STAT4: variants seen among roughly 807,000 people sequenced by gnomAD.
STAT4 encodes the protein signal transducer and activator of transcription 4.
STAT4 carries 42 observed loss-of-function variants against 110.5 expected under a neutral mutation model. That is an observed-to-expected ratio of 0.38 (90% confidence interval 0.30 to 0.49). The LOEUF (loss-of-function observed/expected upper bound fraction) is 0.49, where lower values mean the gene tolerates loss of function less well. Among genes scored for constraint, STAT4 ranks in the 20% least tolerant of loss-of-function variants. STAT4 has a pLI of 0.95. For synonymous variants in STAT4, 284 were observed against 302.2 expected, an observed-to-expected ratio of 0.94 and a Z score of 0.63; for missense variants, 632 against 887.9, an observed-to-expected ratio of 0.71 and a Z score of 3.66.
intron 1 of STAT4, 68 bp from the exon 2 acceptor site, chr2:191,148,272 T>C: frequency 6.5e-7 from 1 of 1,539,168 alleles, no homozygotes; most frequent in East Asian, 2.3e-5. Context: ...ATTTTCTTCT[T>C]TCCTTAGAAT....
At chr2:191,118,166 A>G (rs1204824051) in intron 3 of STAT4, among the ~76,000 whole-genome samples, 2 of 152,216 alleles carry the variant, frequency 1.3e-5, no homozygotes, top group African/African-American at 4.8e-5. Flanking sequence ...CAATTCTTAT[A>G]AAAAGCCTTA....
chr2:191,040,639 G>A (rs889172592), intron 15 of STAT4, among the ~76,000 whole-genome samples: 13 of 152,084 alleles, frequency 8.5e-5, no homozygotes, highest in East Asian at 7.7e-4. Flanking sequence ...AGCACTCACC[G>A]CAGCCTCCAC....
chr2:191,088,764 T>C (rs1304622183), intron 3 of STAT4, among the ~76,000 whole-genome samples: 2 of 152,100 alleles, frequency 1.3e-5, no homozygotes, highest in Non-Finnish European at 2.9e-5. Context: ...AGTTCTGAAA[T>C]GGATCCACGT....
At chr2:191,040,366 AT>A (rs2125162652) in intron 15 of STAT4, among the ~76,000 whole-genome samples, 1 of 152,082 alleles carries the variant, frequency 6.6e-6, no homozygotes, top group African/African-American at 2.4e-5. Flanking sequence ...ATTTTTGAAA[AT>A]ATATTACTAC....
chr2:191,125,314 C>T (rs1388486357), intron 3 of STAT4, among the ~76,000 whole-genome samples: 1 of 151,932 alleles, frequency 6.6e-6, no homozygotes, highest in Non-Finnish European at 1.5e-5. Context: ...GGCGCCAACA[C>T]AGATCTTGGC....
Position 191,051,770 on chromosome 2 carries a change from C to T in STAT4, c.1251+2720G>A, listed in dbSNP as rs1439729141. On this transcript the variant is annotated intron_variant, in intron 14 of 23. Coordinates refer to ENST00000392320, the MANE Select transcript of STAT4 (RefSeq NM_003151.4). The surrounding 1 kb of genome is among the most constrained non-coding windows in gnomAD (Gnocchi z 5.6). ...ACCCAGAGGCAGCATAGCAGAGGGG[C>T]CAGGAGCAGGGACACGGGATCAGAC... is the stretch of plus-strand genomic sequence containing the variant. 1.3e-5 allele frequency among the ~76,000 whole-genome samples: 2 copies of T among 151,554 alleles called. No homozygotes were observed. Among genetic ancestry groups the T allele is most frequent in the South Asian group, 2.1e-4 (1 of 4,786 alleles).
At position 191,029,756 on chromosome 2, in the gene STAT4, G is replaced by T; in HGVS notation, c.*84C>A. ...AGAACCTGGTATTTACAAAGCTGAA[G>T]AAATAAAATGTGGTTATTGGGCAAA... On this transcript the variant is annotated 3_prime_UTR_variant, in exon 24 of 24. Coordinates refer to ENST00000392320, the MANE Select transcript of STAT4 (RefSeq NM_003151.4). The surrounding 1 kb of genome is among the most constrained non-coding windows in gnomAD (Gnocchi z 4.5). The T allele has an allele frequency of 7.9e-7, 1 of 1,260,480 alleles. No individual in the cohort carries two copies. Among genetic ancestry groups the T allele is most frequent in the Admixed American group, 2.0e-5 (1 of 49,032 alleles). The allele number at this position is 1,260,480 out of a possible 1,614,324, so 78.1% of individuals were successfully genotyped here. A position where few individuals can be genotyped will look rare whatever the true frequency, so the allele number is the denominator to read the frequency against.
intron 3 of STAT4, among the ~76,000 whole-genome samples, chr2:191,102,436 T>C (rs902218081): frequency 6.6e-6 from 1 of 152,172 alleles, no homozygotes; most frequent in Non-Finnish European, 1.5e-5. Context: ...ATTGAATTTA[T>C]TGAAATTATT....
intron 5 of STAT4, among the ~76,000 whole-genome samples, chr2:191,070,952 T>C (rs1391297100): frequency 1.3e-5 from 2 of 152,192 alleles, no homozygotes; most frequent in Non-Finnish European, 2.9e-5. Context: ...TGGTACCAAA[T>C]ATATGCTTCA....
rs1574702572 is a variant in STAT4, at chr2:191,043,460, C to A, written c.1252-2312G>T. On this transcript the variant is annotated intron_variant, in intron 14 of 23. Transcript: ENST00000392320. This position sits in a 1 kb window ranked among gnomAD's most constrained non-coding sequence, Gnocchi z 4.8. ...ATAAACAAATTGTAATTCTTATATACCACTTATGCAATTGTTACAATCACT... is the reference window on the plus strand; with the variant it reads ...ATAAACAAATTGTAATTCTTATATAACACTTATGCAATTGTTACAATCACT... 6.6e-6 allele frequency among the ~76,000 whole-genome samples: 1 copy of A among 152,078 alleles called. No homozygotes were observed. The highest frequency in any genetic ancestry group is 6.6e-5 in the Admixed American group (1 of 15,258).
intron 3 of STAT4, among the ~76,000 whole-genome samples, chr2:191,120,890 G>C (rs1298056557): frequency 6.6e-6 from 1 of 152,116 alleles, no homozygotes; most frequent in African/African-American, 2.4e-5. Flanking sequence ...AACACCAAAA[G>C]CAATGGCAAC....
chr2:191,033,746 T>C lies in STAT4; in HGVS notation c.1716-120A>G. The stretch of plus-strand genomic sequence containing the variant: ...AAGTCATTCTTACCTGAAATACTCA[T>C]ATATAGATTAATATACATAGTGCCA... On this transcript the variant is annotated intron_variant, in intron 19 of 23. Coordinates refer to ENST00000392320, the MANE Select transcript of STAT4 (RefSeq NM_003151.4). This position sits in a 1 kb window ranked among gnomAD's most constrained non-coding sequence, Gnocchi z 6.9. 7.1e-7 allele frequency: 1 copy of C among 1,416,100 alleles called. No homozygotes were observed. Among genetic ancestry groups the C allele is most frequent in the Non-Finnish European group, 9.6e-7 (1 of 1,044,160 alleles). The allele number at this position is 1,416,100 out of a possible 1,614,324, so 87.7% of individuals were successfully genotyped here.
rs987705933 is a variant in STAT4, at chr2:191,060,798, A to C, written c.1034+931T>G. 6.6e-6 allele frequency among the ~76,000 whole-genome samples: 1 copy of C among 152,256 alleles called. No individual in the cohort carries two copies. The highest frequency in any genetic ancestry group is 1.5e-5 in the Non-Finnish European group (1 of 68,046). On this transcript the variant is annotated intron_variant, in intron 10 of 23. Coordinates refer to ENST00000392320, the MANE Select transcript of STAT4 (RefSeq NM_003151.4). This position sits in a 1 kb window ranked among gnomAD's most constrained non-coding sequence, Gnocchi z 4.5. ...ATCTTGGTGCAAAATTCATACAAAG[A>C]AACTGATTAAGAAGTTAATGGTGTC...
At chr2:191,065,882 C>G (rs952002736) in intron 7 of STAT4, among the ~76,000 whole-genome samples, 13 of 152,000 alleles carry the variant, frequency 8.6e-5, no homozygotes, top group African/African-American at 3.1e-4. Flanking sequence ...AGAGATGTTT[C>G]CCCTCCCTAA....
chr2:191,140,086 A>C lies in STAT4; in HGVS notation c.273+6527T>G, dbSNP rs1224599021. On this transcript the variant is annotated intron_variant, in intron 3 of 23. Transcript: ENST00000392320. The surrounding 1 kb of genome is among the most constrained non-coding windows in gnomAD (Gnocchi z 4.4). ...TGAAACTGATTTCTCAGCCTATACA[A>C]AAATCAACTCAACATGGATCAAAGA... 1.3e-5 allele frequency among the ~76,000 whole-genome samples: 2 copies of C among 152,202 alleles called. No homozygotes were observed. The highest frequency in any genetic ancestry group is 2.9e-5 in the Non-Finnish European group (2 of 68,032).
chr2:191,039,339 C>T lies in STAT4; in HGVS notation c.1336-42G>A, dbSNP rs1696126150. On this transcript the variant is annotated intron_variant, in intron 15 of 23. Coordinates refer to ENST00000392320, the MANE Select transcript of STAT4 (RefSeq NM_003151.4). This position sits in a 1 kb window ranked among gnomAD's most constrained non-coding sequence, Gnocchi z 4.7. ...AAAGCATAGTTATTACAGGTAGTCC[C>T]ACCTTACATTGATCTTATGCTTGAC... 6.4e-7 allele frequency: 1 copy of T among 1,556,724 alleles called. No individual in the cohort carries two copies. Among genetic ancestry groups the T allele is most frequent in the Non-Finnish European group, 8.9e-7 (1 of 1,127,782 alleles).
intron 3 of STAT4, among the ~76,000 whole-genome samples, chr2:191,125,432 G>A (rs941732325): frequency 6.7e-5 from 10 of 150,210 alleles, no homozygotes; most frequent in Non-Finnish European, 1.3e-4. Flanking sequence ...ATAGACAACT[G>A]GAAATTGACT....
chr2:191,037,192 C>T lies in STAT4; in HGVS notation c.1435-893G>A, dbSNP rs1406994087. ...GGCACAAATTTTACCTTGACCAGAC[C>T]AATCATCCCAAAGTGCTAGAAATGG... On this transcript the variant is annotated intron_variant, in intron 16 of 23. Coordinates refer to ENST00000392320, the MANE Select transcript of STAT4 (RefSeq NM_003151.4). The surrounding 1 kb of genome is among the most constrained non-coding windows in gnomAD (Gnocchi z 4.8). 2.0e-5 allele frequency among the ~76,000 whole-genome samples: 3 copies of T among 152,098 alleles called. No individual in the cohort carries two copies. The highest frequency in any genetic ancestry group is 2.9e-5 in the Non-Finnish European group (2 of 68,002).
chr2:191,092,094 G>A (rs927948746), intron 3 of STAT4, among the ~76,000 whole-genome samples: 1 of 152,080 alleles, frequency 6.6e-6, no homozygotes, highest in Non-Finnish European at 1.5e-5. Flanking sequence ...AGTAAAAGTT[G>A]GATCTTTATA....
Sources: gnomAD v4.1 joint callset for allele counts (sites outside exome capture counted in the v4.1 genomes callset) on GRCh38, gnomAD v4.1.1 for gene constraint, Gnocchi (gnomAD v3.1) non-coding constraint, MANE v1.5 for transcripts, NCBI Gene and HGNC (gene_info 2026-07-23, HGNC 2026-07-21) for gene names.